The following SRP19 variants were observed in gnomAD, a reference collection of about 807,000 sequenced individuals.
SRP19 encodes signal recognition particle 19 kDa protein.
Under a neutral mutation model 22.4 loss-of-function variants are expected in SRP19, and 11 were observed. The ratio of observed to expected loss-of-function variants is 0.49; its 90% CI spans 0.31 to 0.81. The LOEUF is 0.81. Among genes scored for constraint, SRP19 ranks in the 40% least tolerant of loss-of-function variants. The pLI is 0.05. For missense variants in SRP19, 168 were observed against 175.9 expected, an observed-to-expected ratio of 0.96 and a Z score of 0.25; for synonymous variants, 61 against 57.6, an observed-to-expected ratio of 1.06 and a Z score of -0.27.
chr5:112,891,097 G>C (rs1417327115), intron 4 of SRP19, among the ~76,000 whole-genome samples: 1 of 147,542 alleles, frequency 6.8e-6, no homozygotes, highest in Non-Finnish European at 1.5e-5. Flanking sequence ...TTTTGAGACA[G>C]AGTCTCACTC....
At chr5:112,865,827 C>T (rs1767584924) in intron 4 of SRP19, among the ~76,000 whole-genome samples, 1 of 152,144 alleles carries the variant, frequency 6.6e-6, no homozygotes, top group Admixed American at 6.5e-5. Flanking sequence ...CTCTTGACCT[C>T]GTGATCCACC....
At position 112,867,728 on chromosome 5, in the gene SRP19, A is replaced by G; in HGVS notation, c.*191A>G. Reference sequence around the variant, plus strand: ...CATCAGAAGTTTGCATCTCGCGTATATGCCGTATAAAAGAATTTTTTTGTC... The same window carrying G: ...CATCAGAAGTTTGCATCTCGCGTATGTGCCGTATAAAAGAATTTTTTTGTC... On this transcript the variant is annotated 3_prime_UTR_variant, in exon 5 of 5. Coordinates refer to ENST00000505459, the MANE Select transcript of SRP19 (RefSeq NM_003135.3). The G allele has an allele frequency of 7.6e-7, 1 of 1,308,772 alleles. No homozygotes were observed. The highest frequency in any genetic ancestry group is 9.7e-7 in the Non-Finnish European group (1 of 1,028,268). The allele number at this position is 1,308,772 out of a possible 1,614,324, so 81.1% of individuals were successfully genotyped here.
intron 4 of SRP19, chr5:112,878,800 T>C (rs765074275): frequency 6.2e-7 from 1 of 1,614,164 alleles, no homozygotes; most frequent in East Asian, 2.2e-5. Context: ...GTGCTCTTCT[T>C]TTCTTCACCC....
At chr5:112,878,579 A>T in intron 4 of SRP19, 1 of 635,048 alleles carries the variant, frequency 1.6e-6, no homozygotes, top group Non-Finnish European at 2.5e-6. Flanking sequence ...AAACGTGGAC[A>T]CTGCCCACTG....
chr5:112,863,113 C>A (rs1482889457), intron 2 of SRP19, among the ~76,000 whole-genome samples: 3 of 152,156 alleles, frequency 2.0e-5, no homozygotes, highest in Admixed American at 6.5e-5. Flanking sequence ...AAAAAGAAAA[C>A]ACTACAAGCA....
intron 1 of SRP19, 77 bp downstream of exon 1, chr5:112,861,494 G>T: frequency 6.6e-7 from 1 of 1,507,532 alleles, no homozygotes; most frequent in Middle Eastern, 2.2e-4. Context: ...GCGCTTCTCC[G>T]CTCCGCGGCC....
Position 112,864,685 on chromosome 5 carries a change from A to C in SRP19, c.254A>C (p.Gln85Pro). Residue 85 changes from glutamine (Q) to proline (P), a missense_variant, in exon 4 of 5, where the codon CAG becomes CCG. Coordinates refer to ENST00000505459, the MANE Select transcript of SRP19 (RefSeq NM_003135.3). ...DVQYRGRVRV[Q>P]LKQEDGSLCL... ...CAATACAGAGGCAGAGTCCGGGTCC[A>C]GCTCAAACAGGAAGATGGGAGCCTC... 1 of 1,614,178 alleles carries C rather than the reference A, an allele frequency of 6.2e-7. No individual in the cohort carries two copies.
At chr5:112,892,663 A>G (rs1768517461) in exon 5 of SRP19, 2 of 1,614,108 alleles carry the variant, frequency 1.2e-6, no homozygotes, top group Non-Finnish European at 1.7e-6. Flanking sequence ...AAATCCCAAC[A>G]ATGAATTCTG....
intron 4 of SRP19, among the ~76,000 whole-genome samples, chr5:112,884,538 C>T (rs753848859): frequency 1.3e-5 from 2 of 151,896 alleles, no homozygotes; most frequent in South Asian, 2.1e-4. Context: ...TCACAACGTC[C>T]GGCTAATTTT....
intron 4 of SRP19, among the ~76,000 whole-genome samples, chr5:112,866,651 T>G (rs903567561): frequency 4.6e-5 from 7 of 152,216 alleles, no homozygotes; most frequent in Admixed American, 1.3e-4. Context: ...GTTTTTTATA[T>G]ACTAAAACCC....
At chr5:112,890,350 A>C (rs1163700707) in intron 4 of SRP19, among the ~76,000 whole-genome samples, 8 of 144,768 alleles carry the variant, frequency 5.5e-5, no homozygotes, top group African/African-American at 2.2e-4. Context: ...ATACAGAATA[A>C]AGAACACAAA....
At chr5:112,890,297 C>T (rs1374813574) in intron 4 of SRP19, among the ~76,000 whole-genome samples, 1 of 142,300 alleles carries the variant, frequency 7.0e-6, no homozygotes, top group African/African-American at 2.7e-5. Flanking sequence ...CTCAAAAAGA[C>T]AAAAAAAAGT....
At chr5:112,877,706 C>G (rs1426069883) in intron 4 of SRP19, 1 of 152,082 alleles carries the variant, frequency 6.6e-6, no homozygotes, top group Non-Finnish European at 1.5e-5. Flanking sequence ...CCCAGAATTG[C>G]TCTTAGAGCT....
At chr5:112,885,187 GC>G in intron 4 of SRP19, 1 of 176,294 alleles carries the variant, frequency 5.7e-6, no homozygotes, top group South Asian at 1.0e-4. Flanking sequence ...AGAGGAGCCA[GC>G]CAGGAGATGG....
chr5:112,885,464 T>C (rs1768214773), intron 4 of SRP19: 1 of 195,832 alleles, frequency 5.1e-6, no homozygotes, highest in South Asian at 1.0e-4. Context: ...AAAGCCAAGA[T>C]AATTCCATCT....
At chr5:112,874,746 C>A (rs1227204621), downstream of SRP19, among the ~76,000 whole-genome samples, 3 of 151,714 alleles carry the variant, frequency 2.0e-5, no homozygotes, top group African/African-American at 7.3e-5. Flanking sequence ...CCTCTCCATC[C>A]CCATCCTCCA....
At chr5:112,871,893 C>T (rs1224133003), downstream of SRP19, among the ~76,000 whole-genome samples, 3 of 152,138 alleles carry the variant, frequency 2.0e-5, no homozygotes, top group Non-Finnish European at 4.4e-5. Flanking sequence ...CTTAATGAGA[C>T]AGTTGAGTAT....
intron 4 of SRP19, among the ~76,000 whole-genome samples, chr5:112,865,665 C>T (rs998875076): frequency 1.3e-5 from 2 of 151,658 alleles, no homozygotes; most frequent in Non-Finnish European, 2.9e-5. Context: ...GCGATCTCAG[C>T]TCACTGCAAC....
At chr5:112,883,796 C>G (rs1238548361) in intron 4 of SRP19, among the ~76,000 whole-genome samples, 6 of 152,138 alleles carry the variant, frequency 3.9e-5, no homozygotes, top group Non-Finnish European at 8.8e-5. Flanking sequence ...CCACAACCTC[C>G]CACCCCAACA....
Sources: gnomAD v4.1 joint callset for allele counts (sites outside exome capture counted in the v4.1 genomes callset) on GRCh38, gnomAD v4.1.1 for gene constraint, MANE v1.5 for transcripts, NCBI Gene and HGNC (gene_info 2026-07-23, HGNC 2026-07-21) for gene names.